Variants in EFNA5 observed in about 807,000 individuals in gnomAD.
EFNA5 encodes the protein ephrin A5, also known as ephrin-A5.
EFNA5 carries 5 observed loss-of-function variants against 22.9 expected under a neutral mutation model. That is an observed-to-expected ratio of 0.22 (90% CI 0.11 to 0.46). EFNA5 has a LOEUF of 0.46. EFNA5 is among the 20% of genes least tolerant of loss of function. EFNA5 has a pLI of 0.99. For synonymous variants in EFNA5, 113 were observed against 112.2 expected, an observed-to-expected ratio of 1.01 and a Z score of -0.04; for missense variants, 237 against 293.3, an observed-to-expected ratio of 0.81 and a Z score of 1.40.
intron 1 of EFNA5, among the ~76,000 whole-genome samples, chr5:107,475,074 C>T (rs1014239578): frequency 3.3e-5 from 5 of 152,194 alleles, no homozygotes; most frequent in African/African-American, 1.2e-4. Context: ...GAAATGACTA[C>T]TAATAAGCTG....
At chr5:107,405,794 G>GC (rs1400617723) in intron 2 of EFNA5, among the ~76,000 whole-genome samples, 1 of 150,972 alleles carries the variant, frequency 6.6e-6, no homozygotes, top group Non-Finnish European at 1.5e-5. Context: ...ATGATGAACC[G>GC]CCCCCCATAC....
intron 1 of EFNA5, among the ~76,000 whole-genome samples, chr5:107,431,482 T>C (rs761000163): frequency 6.6e-6 from 1 of 152,170 alleles, no homozygotes; most frequent in Non-Finnish European, 1.5e-5. Flanking sequence ...CAACTTAATC[T>C]CTATTACGAT....
At chr5:107,461,415 A>G (rs188279067) in intron 1 of EFNA5, among the ~76,000 whole-genome samples, 3 of 152,226 alleles carry the variant, frequency 2.0e-5, no homozygotes, top group East Asian at 1.9e-4. Context: ...TTCAAGCCCC[A>G]AACAGCATCT....
intron 1 of EFNA5, among the ~76,000 whole-genome samples, chr5:107,497,027 A>C (rs1747005265): frequency 6.6e-6 from 1 of 152,178 alleles, no homozygotes; most frequent in African/African-American, 2.4e-5. Context: ...TCATTGTCCC[A>C]AAGTAGGCAC....
intron 1 of EFNA5, among the ~76,000 whole-genome samples, chr5:107,551,092 G>A (rs954272533): frequency 4.7e-4 from 71 of 152,210 alleles, no homozygotes; most frequent in African/African-American, 1.4e-3. Context: ...ATAATTATGC[G>A]TCCTAACTCA....
intron 1 of EFNA5, among the ~76,000 whole-genome samples, chr5:107,548,941 C>G (rs752859885): frequency 6.6e-6 from 1 of 152,194 alleles, no homozygotes; most frequent in African/African-American, 2.4e-5. Context: ...TAAAATGACA[C>G]AATTCTCACA....
At chr5:107,516,194 G>GTGTC (rs1341396303) in intron 1 of EFNA5, among the ~76,000 whole-genome samples, 2 of 151,594 alleles carry the variant, frequency 1.3e-5, no homozygotes, top group East Asian at 3.9e-4. Context: ...GTGTGTGTGT[G>GTGTC]TGTGTGTGTG....
chr5:107,629,826 A>G (rs164685), intron 1 of EFNA5, among the ~76,000 whole-genome samples: 131,916 of 152,094 alleles, frequency 0.87, 57,875 homozygotes, highest in African/African-American at 0.97. Flanking sequence ...GGAGGCTGAG[A>G]AGGGTGGATC....
chr5:107,401,964 C>T (rs1028401429), intron 2 of EFNA5, among the ~76,000 whole-genome samples: 4 of 152,190 alleles, frequency 2.6e-5, no homozygotes, highest in Non-Finnish European at 4.4e-5. Flanking sequence ...CTACTTAGCT[C>T]CTTTATACCA....
chr5:107,602,142 G>A (rs1433839397), intron 1 of EFNA5, among the ~76,000 whole-genome samples: 6 of 152,064 alleles, frequency 3.9e-5, no homozygotes, highest in African/African-American at 1.2e-4. Flanking sequence ...GTTATTAATG[G>A]GACTCAAAGC....
chr5:107,390,324 C>G (rs1373058396), intron 2 of EFNA5, among the ~76,000 whole-genome samples: 1 of 152,104 alleles, frequency 6.6e-6, no homozygotes, highest in Non-Finnish European at 1.5e-5. Context: ...TGTAGGATGC[C>G]TTTATACCAA....
rs74598739 is a variant in EFNA5 at position 107,496,018 on chromosome 5, C to T, written c.126-68509G>A. Among the ~76,000 whole-genome samples the T allele has an allele frequency of 1.2e-3, 183 of 152,026 alleles. 1 individual carries two copies. The East Asian group carries it at 0.027, about 23-fold the overall frequency. ...TTTCTGTCCTTCCTCTAACGTCAAC[C>T]CAATTTCCCCAAAATTACTTAGAGC... On this transcript the variant is annotated intron_variant, in intron 1 of 4. Transcript: ENST00000333274.
chr5:107,512,448 G>A (rs1747391511), intron 1 of EFNA5, among the ~76,000 whole-genome samples: 1 of 151,458 alleles, frequency 6.6e-6, no homozygotes, highest in African/African-American at 2.4e-5. Context: ...CAATACTCTA[G>A]CCTGTTTTTT....
In EFNA5 at chr5:107,502,147, G is replaced by T. The variant is rs116701858; in HGVS notation, c.126-74638C>A. Among the ~76,000 whole-genome samples, 1,185 of 152,302 alleles carry T rather than the reference G, an allele frequency of 7.8e-3. 19 individuals carry two copies. Among genetic ancestry groups the T allele is most frequent in the African/African-American group, 0.027 (1,113 of 41,556 alleles). ...CAGAAACCAATCCTCTCAGTTCACCGATCTAATTCCAGTTTTCAGGCACAC... is the reference window on the plus strand; with the variant it reads ...CAGAAACCAATCCTCTCAGTTCACCTATCTAATTCCAGTTTTCAGGCACAC... On this transcript the variant is annotated intron_variant, in intron 1 of 4. Transcript: ENST00000333274.
intron 4 of EFNA5, among the ~76,000 whole-genome samples, chr5:107,385,366 T>C (rs1433350728): frequency 6.6e-6 from 1 of 152,158 alleles, no homozygotes; most frequent in Non-Finnish European, 1.5e-5. Flanking sequence ...CCTCCTATGC[T>C]ATAGACAGGC....
chr5:107,433,620 G>A (rs1197650879), intron 1 of EFNA5, among the ~76,000 whole-genome samples: 1 of 152,316 alleles, frequency 6.6e-6, no homozygotes, highest in East Asian at 1.9e-4. Flanking sequence ...CCCTTGCTGA[G>A]CATGGTGGCT....
Position 107,591,982 on chromosome 5 carries a change from TA to T in EFNA5, c.125+78506del, listed in dbSNP as rs1229864095. Among the ~76,000 whole-genome samples the T allele has an allele frequency of 2.8e-3, 111 of 40,186 alleles. 14 individuals carry two copies. Among genetic ancestry groups the T allele is most frequent in the Middle Eastern group, 0.018 (1 of 56 alleles). The allele number at this position is 40,186 out of a possible 152,430, so 26.4% of individuals were successfully genotyped here. On this transcript the variant is annotated intron_variant, in intron 1 of 4. Transcript: ENST00000333274. Reference sequence around the variant, plus strand: ...TAATATATATAATATATATAATATATAATATATAATATATATAATATATAAT... The same window carrying T: ...TAATATATATAATATATATAATATATATATATAATATATATAATATATAAT...
At chr5:107,503,758 A>C (rs1747192455) in intron 1 of EFNA5, among the ~76,000 whole-genome samples, 1 of 152,234 alleles carries the variant, frequency 6.6e-6, no homozygotes, top group Admixed American at 6.5e-5. Context: ...TATTATCTTC[A>C]TAACCATTAA....
At chr5:107,649,261 C>T (rs888828041) in intron 1 of EFNA5, among the ~76,000 whole-genome samples, 4 of 152,028 alleles carry the variant, frequency 2.6e-5, no homozygotes, top group Non-Finnish European at 5.9e-5. Flanking sequence ...AACCTGACTC[C>T]AGGCCTTGGT....
Sources: gnomAD v4.1 joint callset for allele counts (sites outside exome capture counted in the v4.1 genomes callset) on GRCh38, gnomAD v4.1.1 for gene constraint, MANE v1.5 for transcripts, NCBI Gene and HGNC (gene_info 2026-07-23, HGNC 2026-07-21) for gene names.